Variants in MINDY2 observed in about 807,000 individuals in gnomAD.
MINDY2 encodes the protein MINDY lysine 48 deubiquitinase 2, also known as ubiquitin carboxyl-terminal hydrolase MINDY-2.
In MINDY2, 52 loss-of-function variants were observed where a neutral mutation model predicts 68.2. The observed-to-expected ratio is 0.76, with a 90% CI of 0.61 to 0.96. MINDY2 has a LOEUF of 0.96. Among genes scored for constraint, MINDY2 ranks in the 40% least tolerant of loss-of-function variants. The pLI, the probability that MINDY2 is intolerant of heterozygous loss-of-function variation, is 0.00. For missense variants in MINDY2, 881 were observed against 773.4 expected (o/e 1.14, Z -1.65); for synonymous variants, 372 against 303.0 (o/e 1.23, Z -2.36).
intron 4 of MINDY2, among the ~76,000 whole-genome samples, chr15:58,819,836 T>C (rs1240379974): frequency 6.6e-6 from 1 of 152,226 alleles, no homozygotes; most frequent in Non-Finnish European, 1.5e-5. Flanking sequence ...AAATCAAAGC[T>C]GGAACTCATA....
chr15:58,791,102 C>G (rs1901858197), intron 2 of MINDY2, among the ~76,000 whole-genome samples: 1 of 149,240 alleles, frequency 6.7e-6, no homozygotes, highest in Non-Finnish European at 1.5e-5. Context: ...ATGGCTTGAA[C>G]CCAGGCGGCG....
In MINDY2 at chr15:58,859,730, C is replaced by A. The variant is rs2033163417; in HGVS notation, c.*5120C>A. The A allele has an allele frequency of 6.6e-6, 1 of 152,124 alleles. No individual in the cohort carries two copies. The highest frequency in any genetic ancestry group is 2.4e-5 in the African/African-American group (1 of 41,416). The allele number at this position is 152,124 out of a possible 1,614,324, so 9.4% of individuals were successfully genotyped here. A position where few individuals can be genotyped will look rare whatever the true frequency, so the allele number is the denominator to read the frequency against. ...TTGAATATCTATCTAAATTTTAGTT[C>A]ATGCATGTTCTTACTTAATCCTGGT... On this transcript the variant is annotated 3_prime_UTR_variant, in exon 9 of 9. Coordinates refer to ENST00000559228, the MANE Select transcript of MINDY2 (RefSeq NM_001040450.3).
rs759309948 is a variant in MINDY2, at chr15:58,772,077, C to A, written c.682C>A (p.Gln228Lys). The change falls in exon 1 of 9, where the codon CAG (glutamine) becomes AAG (lysine). Residue 228 changes from glutamine to lysine, a missense_variant. Gln to Lys is a moderately conservative substitution (Grantham distance 53). Transcript: ENST00000559228. ...CKEEEGEETA[Q>K]VLAASKERFP... ...GGAGGAGGAGGGGGAGGAGACCGCT[C>A]AGGTGCTGGCGGCCTCCAAGGAACG... 24 of 1,612,748 alleles carry A rather than the reference C, an allele frequency of 1.5e-5. 1 individual carries two copies. In the South Asian group the frequency reaches 2.3e-4, roughly 16 times the overall value.
chr15:58,796,126 A>G, intron 2 of MINDY2: 1 of 455,956 alleles, frequency 2.2e-6, no homozygotes, highest in Non-Finnish European at 4.4e-6. Flanking sequence ...AAGGGCAGAA[A>G]ACTTTTGAGA....
intron 3 of MINDY2, among the ~76,000 whole-genome samples, chr15:58,807,140 C>T (rs561435852): frequency 1.3e-5 from 2 of 152,112 alleles, no homozygotes; most frequent in East Asian, 3.9e-4. Flanking sequence ...TTCATTTTCA[C>T]CCTTTTTATT....
At chr15:58,790,087 C>A (rs777386086) in intron 2 of MINDY2, among the ~76,000 whole-genome samples, 6 of 152,100 alleles carry the variant, frequency 3.9e-5, no homozygotes, top group Non-Finnish European at 7.4e-5. Flanking sequence ...CAGGAAGACC[C>A]TTTTTAGAAA....
chr15:58,786,553 T>G (rs1901514772), intron 1 of MINDY2, among the ~76,000 whole-genome samples: 1 of 152,178 alleles, frequency 6.6e-6, no homozygotes, highest in South Asian at 2.1e-4. Context: ...TTTTCTGGGG[T>G]TTTTAGTTTA....
chr15:58,798,664 C>A (rs149553731), intron 2 of MINDY2, among the ~76,000 whole-genome samples: 215 of 152,064 alleles, frequency 1.4e-3, no homozygotes, highest in African/African-American at 4.7e-3. Context: ...TCATCTTGGC[C>A]AGGCTGGATT....
At chr15:58,785,338 G>A (rs146468797) in intron 1 of MINDY2, among the ~76,000 whole-genome samples, 385 of 152,038 alleles carry the variant, frequency 2.5e-3, no homozygotes, top group Non-Finnish European at 4.4e-3. Flanking sequence ...TAAGTGAGTC[G>A]AAATATTTGT....
intron 5 of MINDY2, among the ~76,000 whole-genome samples, chr15:58,827,095 T>C (rs1246846701): frequency 1.3e-5 from 2 of 152,262 alleles, no homozygotes; most frequent in African/African-American, 4.8e-5. Context: ...GGTGACATTG[T>C]GTCTTTCCCA....
At chr15:58,851,578 A>G (rs577552374) in intron 7 of MINDY2, among the ~76,000 whole-genome samples, 193 bp from the exon 8 acceptor site, 19 of 152,234 alleles carry the variant, frequency 1.2e-4, no homozygotes, top group South Asian at 6.2e-4. Flanking sequence ...AGCTAGGACT[A>G]TAGGTGCACA....
intron 6 of MINDY2, among the ~76,000 whole-genome samples, chr15:58,834,839 C>G (rs979373663): frequency 6.6e-6 from 1 of 152,102 alleles, no homozygotes; most frequent in Admixed American, 6.6e-5. Context: ...CCCTTAAAGC[C>G]GTTGCTCTCC....
At chr15:58,773,694 T>C (rs1900586189) in intron 1 of MINDY2, among the ~76,000 whole-genome samples, 1 of 152,202 alleles carries the variant, frequency 6.6e-6, no homozygotes, top group East Asian at 1.9e-4. Context: ...CAATCTTTTT[T>C]TTTTTCGTTT....
chr15:58,825,498 AG>A (rs1567063497), intron 5 of MINDY2, among the ~76,000 whole-genome samples: 1 of 152,226 alleles, frequency 6.6e-6, no homozygotes, highest in African/African-American at 2.4e-5. Flanking sequence ...TTTAAAAAAA[AG>A]CGCAGTACCA....
chr15:58,828,468 A>T (rs1469068178), intron 5 of MINDY2, among the ~76,000 whole-genome samples: 2 of 151,688 alleles, frequency 1.3e-5, no homozygotes, highest in African/African-American at 4.8e-5. Flanking sequence ...TAATTATAGT[A>T]CCTCTGTAAC....
intron 2 of MINDY2, among the ~76,000 whole-genome samples, chr15:58,794,197 T>G (rs1709292883): frequency 6.6e-6 from 1 of 151,954 alleles, no homozygotes; most frequent in African/African-American, 2.4e-5. Context: ...TTAAGCTGCG[T>G]AAAGAGGAAA....
chr15:58,826,462 C>T (rs1684041903), intron 5 of MINDY2, among the ~76,000 whole-genome samples: 1 of 152,104 alleles, frequency 6.6e-6, no homozygotes, highest in African/African-American at 2.4e-5. Flanking sequence ...CTCCCAACCT[C>T]AGGTGATCCG....
chr15:58,844,778 G>T (rs577894777), intron 6 of MINDY2, among the ~76,000 whole-genome samples: 4 of 151,298 alleles, frequency 2.6e-5, no homozygotes, highest in Non-Finnish European at 5.9e-5. Flanking sequence ...TTAGCCAGGC[G>T]TGGTGGTGTG....
chr15:58,828,727 A>T (rs1214661319), intron 5 of MINDY2, among the ~76,000 whole-genome samples: 4 of 151,088 alleles, frequency 2.6e-5, no homozygotes, highest in Non-Finnish European at 4.4e-5. Flanking sequence ...TGCCTGGCTA[A>T]TTTTTTTGTA....
Sources: allele counts gnomAD v4.1 joint callset (sites outside exome capture counted in the v4.1 genomes callset), GRCh38; gene constraint gnomAD v4.1.1; transcripts MANE v1.5; gene names NCBI Gene and HGNC (gene_info 2026-07-23, HGNC 2026-07-21).